SHISA9: variants seen among roughly 807,000 people sequenced by gnomAD.
SHISA9 encodes the protein protein shisa-9.
Under a neutral mutation model 38.0 loss-of-function variants are expected in SHISA9, and 13 were observed. That is an observed-to-expected ratio of 0.34 (90% CI 0.22 to 0.54). SHISA9 has a LOEUF of 0.54. Among genes scored for constraint, SHISA9 ranks in the 20% least tolerant of loss-of-function variants. SHISA9 has a pLI of 0.91. For synonymous variants in SHISA9, 275 were observed against 242.0 expected (o/e 1.14, Z -1.27); for missense variants, 538 against 575.8 (o/e 0.93, Z 0.67).
At chr16:13,257,867 AT>A in the SHISA9 span, among the ~76,000 whole-genome samples, 32,417 of 151,850 alleles carry the variant, frequency 0.21, 3,768 homozygotes, top group East Asian at 0.4. Flanking sequence ...TAAATACTTT[AT>A]TTTTTTTGGT....
chr16:13,383,816 A>G, the SHISA9 span, among the ~76,000 whole-genome samples: 12 of 152,042 alleles, frequency 7.9e-5, no homozygotes, highest in African/African-American at 2.7e-4. Context: ...TGCCTGGCTG[A>G]TTTTTGTGTG....
intron 4 of SHISA9, among the ~76,000 whole-genome samples, chr16:13,219,560 T>A (rs2051202202): frequency 6.6e-6 from 1 of 152,144 alleles, no homozygotes; most frequent in Non-Finnish European, 1.5e-5. Context: ...TAAGTAAATA[T>A]CCCAGGTTTT....
chr16:13,127,568 G>C (rs532012920), intron 2 of SHISA9, among the ~76,000 whole-genome samples: 9 of 152,168 alleles, frequency 5.9e-5, no homozygotes, highest in African/African-American at 2.2e-4. Context: ...AGGAGACAGA[G>C]AGAAGAGAAG....
intron 2 of SHISA9, among the ~76,000 whole-genome samples, chr16:13,105,812 C>T (rs537710308): frequency 4.0e-4 from 61 of 152,300 alleles, no homozygotes; most frequent in African/African-American, 1.3e-3. Flanking sequence ...TTGGCTCTGC[C>T]TGGCCGGGGT....
the SHISA9 span, among the ~76,000 whole-genome samples, chr16:13,302,562 G>T: frequency 1.3e-5 from 2 of 152,142 alleles, no homozygotes; most frequent in African/African-American, 4.8e-5. Flanking sequence ...ACTAAACCCA[G>T]AGGCTCCCAG....
chr16:13,389,275 G>C, the SHISA9 span, among the ~76,000 whole-genome samples: 12,515 of 152,150 alleles, frequency 0.082, 649 homozygotes, highest in South Asian at 0.21. Context: ...TACCCTCTCT[G>C]TAGTTTTACC....
At chr16:13,499,991 C>T in the SHISA9 span, among the ~76,000 whole-genome samples, 1 of 152,158 alleles carries the variant, frequency 6.6e-6, no homozygotes, top group African/African-American at 2.4e-5. Flanking sequence ...GGGACACAGA[C>T]AAGCAAGCAA....
At chr16:13,179,998 G>A (rs1345137106) in intron 2 of SHISA9, among the ~76,000 whole-genome samples, 2 of 152,152 alleles carry the variant, frequency 1.3e-5, no homozygotes, top group African/African-American at 4.8e-5. Context: ...GCTATCAGGT[G>A]GGTAGGAAAC....
chr16:13,540,625 G>T, the SHISA9 span, among the ~76,000 whole-genome samples: 1 of 152,048 alleles, frequency 6.6e-6, no homozygotes, highest in African/African-American at 2.4e-5. Flanking sequence ...TAAAATACCT[G>T]ACTTGAATCC....
intron 2 of SHISA9, among the ~76,000 whole-genome samples, chr16:13,040,992 G>A (rs974496079): frequency 6.6e-6 from 1 of 152,118 alleles, no homozygotes; most frequent in African/African-American, 2.4e-5. Context: ...GCTTCAGAGG[G>A]TTCCTGCAGT....
the SHISA9 span, among the ~76,000 whole-genome samples, chr16:13,560,570 T>C: frequency 1.3e-5 from 2 of 152,156 alleles, no homozygotes; most frequent in African/African-American, 4.8e-5. Flanking sequence ...TGAGAAATTG[T>C]TAATTGTTTT....
chr16:13,200,434 ACACACACAGCAGCAGCAG>A (rs2050994317), intron 2 of SHISA9, among the ~76,000 whole-genome samples: 1 of 132,830 alleles, frequency 7.5e-6, no homozygotes, highest in African/African-American at 3.4e-5. Context: ...ACACACACAC[ACACACACAGCAGCAGCAG>A]CAGCAGCAGC....
chr16:13,542,257 C>T, the SHISA9 span, among the ~76,000 whole-genome samples: 2 of 152,176 alleles, frequency 1.3e-5, no homozygotes, highest in Admixed American at 1.3e-4. Flanking sequence ...TATCTATTGT[C>T]TTCAACCACT....
chr16:12,957,284 C>T (rs2071849346), intron 2 of SHISA9, among the ~76,000 whole-genome samples: 1 of 152,200 alleles, frequency 6.6e-6, no homozygotes, highest in African/African-American at 2.4e-5. Flanking sequence ...AACTGATTTT[C>T]TTAGTCTGCT....
At chr16:13,454,359 A>G in the SHISA9 span, among the ~76,000 whole-genome samples, 1 of 152,186 alleles carries the variant, frequency 6.6e-6, no homozygotes, top group Non-Finnish European at 1.5e-5. Context: ...CACTTTACGA[A>G]AGGTGTTTGC....
intron 2 of SHISA9, among the ~76,000 whole-genome samples, chr16:12,968,162 C>T: frequency 7.8e-6 from 1 of 128,078 alleles, no homozygotes; most frequent in Non-Finnish European, 1.6e-5. Context: ...TGCACTCCAG[C>T]CTGGGTGACA....
intron 2 of SHISA9, among the ~76,000 whole-genome samples, chr16:13,081,593 C>T (rs568740397): frequency 3.3e-5 from 5 of 152,052 alleles, no homozygotes; most frequent in South Asian, 2.1e-4. Context: ...CTCCTCCACC[C>T]GTGATTCCAC....
At chr16:13,256,134 A>T in the SHISA9 span, among the ~76,000 whole-genome samples, 1 of 152,160 alleles carries the variant, frequency 6.6e-6, no homozygotes, top group Admixed American at 6.5e-5. Context: ...CTGCCAGAAT[A>T]ACTTTTCTCC....
At chr16:13,216,531 ACCATTT>A (rs1032570922) in intron 4 of SHISA9, among the ~76,000 whole-genome samples, 65 of 152,300 alleles carry the variant, frequency 4.3e-4, no homozygotes, top group Middle Eastern at 3.4e-3. Context: ...TTTTTAACCC[ACCATTT>A]CCCAAACACT....
Sources: allele counts gnomAD v4.1 joint callset (sites outside exome capture counted in the v4.1 genomes callset), GRCh38; gene constraint gnomAD v4.1.1; transcripts MANE v1.5; gene names NCBI Gene and HGNC (gene_info 2026-07-23, HGNC 2026-07-21).